XKR4: variants seen among roughly 807,000 people sequenced by gnomAD.
The protein encoded by XKR4 is XK related 4.
In XKR4, 12 loss-of-function variants were observed where a neutral mutation model predicts 53.9. That is an observed-to-expected ratio of 0.22 (90% CI 0.14 to 0.36). XKR4 has a LOEUF of 0.36. Ranked by LOEUF, XKR4 falls within the 10% of genes least tolerant of loss-of-function variation. XKR4 has a pLI of 1.00. For missense variants in XKR4, 799 were observed against 859.5 expected (o/e 0.93, Z 0.88); for synonymous variants, 354 against 362.4 (o/e 0.98, Z 0.26).
At chr8:55,451,785 G>T in intron 2 of XKR4, 1 of 1,027,348 alleles carries the variant, frequency 9.7e-7, no homozygotes. Context: ...CCAGGCCAAG[G>T]CACTGATAGT....
chr8:55,362,542 T>A (rs1171410965), intron 2 of XKR4, among the ~76,000 whole-genome samples: 1 of 152,068 alleles, frequency 6.6e-6, no homozygotes, highest in Non-Finnish European at 1.5e-5. Flanking sequence ...AGTTAAAAAG[T>A]CTTGAGACTG....
intron 1 of XKR4, among the ~76,000 whole-genome samples, chr8:55,110,429 C>G (rs1348286850): frequency 6.6e-6 from 1 of 152,114 alleles, no homozygotes; most frequent in Non-Finnish European, 1.5e-5. Flanking sequence ...CAGTGAATAT[C>G]TGCTGATCTG....
chr8:55,175,195 A>T lies in XKR4; in HGVS notation c.806+71901A>T, dbSNP rs530641094. Reference sequence around the variant, plus strand: ...ACTCAGGGAATATTGTGCCACTGTGAATAAGTAGAGATTTAGAACCAAAGT... The same window carrying T: ...ACTCAGGGAATATTGTGCCACTGTGTATAAGTAGAGATTTAGAACCAAAGT... On this transcript the variant is annotated intron_variant, in intron 1 of 2. Transcript: ENST00000327381. 2.6e-5 allele frequency among the ~76,000 whole-genome samples: 4 copies of T among 152,324 alleles called. No individual in the cohort carries two copies. The South Asian group carries it at 8.3e-4, about 32-fold the overall frequency.
chr8:55,437,497 C>T (rs764496555), intron 2 of XKR4, among the ~76,000 whole-genome samples: 26 of 152,190 alleles, frequency 1.7e-4, no homozygotes, highest in Non-Finnish European at 2.5e-4. Context: ...ACTCTAATTA[C>T]GTTCCTAGCT....
At chr8:55,478,404 A>C (rs568869140) in intron 2 of XKR4, among the ~76,000 whole-genome samples, 1 of 152,102 alleles carries the variant, frequency 6.6e-6, no homozygotes, top group African/African-American at 2.4e-5. Context: ...AGGAAGCACT[A>C]AACATGGAAA....
chr8:55,252,413 A>G (rs975005119), intron 1 of XKR4, among the ~76,000 whole-genome samples: 1 of 152,148 alleles, frequency 6.6e-6, no homozygotes. Context: ...TTTTTGTTTT[A>G]TTGTGTATTT....
chr8:55,367,127 T>A (rs1374378790), intron 2 of XKR4, among the ~76,000 whole-genome samples: 2 of 152,142 alleles, frequency 1.3e-5, no homozygotes, highest in African/African-American at 4.8e-5. Flanking sequence ...AGCCCTGCTC[T>A]TACCCCCTCC....
rs554270473 is a variant in XKR4, at chr8:55,287,433, G to C, written c.807-70245G>C. On this transcript the variant is annotated intron_variant, in intron 1 of 2. Coordinates refer to ENST00000327381, the MANE Select transcript of XKR4 (RefSeq NM_052898.2). ...ACACTATGACTGACATGCTATGCTGGTGAGCGTACCCATTAGGAATCCCAA... is the reference window on the plus strand; with the variant it reads ...ACACTATGACTGACATGCTATGCTGCTGAGCGTACCCATTAGGAATCCCAA... Among the ~76,000 whole-genome samples the C allele has an allele frequency of 5.9e-5, 9 of 152,302 alleles. 1 individual carries two copies. The highest frequency in any genetic ancestry group is 5.9e-4 in the Admixed American group (9 of 15,296).
intron 1 of XKR4, among the ~76,000 whole-genome samples, chr8:55,357,002 C>T (rs1458440245): frequency 6.6e-6 from 1 of 152,038 alleles, no homozygotes; most frequent in Non-Finnish European, 1.5e-5. Context: ...GTATATAATG[C>T]ATATAGAAAA....
At position 55,265,707 on chromosome 8, in the gene XKR4, C is replaced by T. The variant is rs375930259; in HGVS notation, c.807-91971C>T. Among the ~76,000 whole-genome samples the T allele has an allele frequency of 3.6e-4, 55 of 151,830 alleles. No homozygotes were observed. In the South Asian group the frequency reaches 7.5e-3, roughly 21 times the overall value. ...CTCTATAAAAATTCCTGGCTGGGCA[C>T]GATGGCTCTTGCCTGTAATCCCAGC... On this transcript the variant is annotated intron_variant, in intron 1 of 2. Transcript: ENST00000327381.
chr8:55,188,495 C>T (rs566878067), intron 1 of XKR4, among the ~76,000 whole-genome samples: 1 of 152,182 alleles, frequency 6.6e-6, no homozygotes, highest in Admixed American at 6.5e-5. Flanking sequence ...TGAGACTATA[C>T]CCTCTTCCAA....
chr8:55,454,874 G>A (rs769775070), intron 2 of XKR4: 33 of 763,212 alleles, frequency 4.3e-5, no homozygotes, highest in East Asian at 3.2e-4. Flanking sequence ...CATCCTTAGC[G>A]CGTGTCGTTT....
chr8:55,186,324 A>T (rs778638316), intron 1 of XKR4, among the ~76,000 whole-genome samples: 1 of 152,218 alleles, frequency 6.6e-6, no homozygotes, highest in Non-Finnish European at 1.5e-5. Flanking sequence ...AAAGATGACC[A>T]TATCAGTAAA....
intron 2 of XKR4, among the ~76,000 whole-genome samples, chr8:55,432,192 T>G (rs1468957879): frequency 6.6e-6 from 1 of 152,172 alleles, no homozygotes; most frequent in Non-Finnish European, 1.5e-5. Flanking sequence ...TATTCACTGT[T>G]GCAATGTGTA....
intron 2 of XKR4, among the ~76,000 whole-genome samples, chr8:55,376,952 ACT>A (rs1159390937): frequency 1.2e-5 from 1 of 81,422 alleles, no homozygotes; most frequent in Non-Finnish European, 2.4e-5. Context: ...ACAAACACAC[ACT>A]CACACACACA....
intron 1 of XKR4, among the ~76,000 whole-genome samples, chr8:55,245,508 C>T (rs66664607): frequency 0.14 from 21,187 of 152,146 alleles, 1,914 homozygotes; most frequent in Non-Finnish European, 0.2. Context: ...CTGTCTCTGG[C>T]TCTCACATAA....
At chr8:55,461,283 A>G (rs1805653708) in intron 2 of XKR4, among the ~76,000 whole-genome samples, 1 of 152,230 alleles carries the variant, frequency 6.6e-6, no homozygotes, top group African/African-American at 2.4e-5. Flanking sequence ...AAACTTCCAG[A>G]GGAACGATCA....
Position 55,141,671 on chromosome 8 carries a change from C to CTCTCTCTCTCTCTCTCTCTGTG in XKR4, c.806+38378_806+38379insCTCTCTCTCTCTCTCTCTGTGT, listed in dbSNP as rs748708972. Among the ~76,000 whole-genome samples the CTCTCTCTCTCTCTCTCTCTGTG allele has an allele frequency of 6.6e-4, 89 of 135,288 alleles. 1 individual carries two copies. The highest frequency in any genetic ancestry group is 4.2e-3 in the South Asian group (15 of 3,610). The allele number at this position is 135,288 out of a possible 152,430, so 88.8% of individuals were successfully genotyped here. A position where few individuals can be genotyped will look rare whatever the true frequency, so the allele number is the denominator to read the frequency against. The stretch of plus-strand genomic sequence containing the variant: ...TCTCTCTCTCTCTCTCTCTCTCTCT[C>CTCTCTCTCTCTCTCTCTCTGTG]TGTGTGTGTGTGTGTGTGTCTCTCT... On this transcript the variant is annotated intron_variant, in intron 1 of 2. Transcript: ENST00000327381.
intron 1 of XKR4, among the ~76,000 whole-genome samples, chr8:55,181,234 A>G (rs1193826215): frequency 6.6e-6 from 1 of 152,178 alleles, no homozygotes; most frequent in Non-Finnish European, 1.5e-5. Flanking sequence ...TGTGAGAATT[A>G]ATTGGTTGGG....
Sources: gnomAD v4.1 joint callset for allele counts (sites outside exome capture counted in the v4.1 genomes callset) on GRCh38, gnomAD v4.1.1 for gene constraint, MANE v1.5 for transcripts, NCBI Gene and HGNC (gene_info 2026-07-23, HGNC 2026-07-21) for gene names.